Variants in ACTN2 observed in about 807,000 individuals in gnomAD.
The protein encoded by ACTN2 is alpha-actinin-2.
ACTN2 carries 39 observed loss-of-function variants against 113.8 expected under a neutral mutation model. The ratio of observed to expected loss-of-function variants is 0.34; its 90% CI spans 0.27 to 0.45. ACTN2 has a LOEUF of 0.45. ACTN2 is among the 20% of genes least tolerant of loss of function. The pLI is 1.00. For missense variants in ACTN2, 992 were observed against 1,177.9 expected, an observed-to-expected ratio of 0.84 and a Z score of 2.31; for synonymous variants, 429 against 444.1, an observed-to-expected ratio of 0.97 and a Z score of 0.43.
intron 1 of ACTN2, among the ~76,000 whole-genome samples, chr1:236,688,834 C>T (rs142030987): frequency 1.6e-4 from 25 of 152,248 alleles, no homozygotes; most frequent in African/African-American, 3.6e-4. Context: ...CTGCTGGAAC[C>T]GGACAAGGGT....
chr1:236,735,716 A>G lies in ACTN2; in HGVS notation c.779A>G (p.Glu260Gly). Residue 260 changes from glutamate to glycine, a missense_variant, in exon 8 of 21, where the codon GAG becomes GGG. Physicochemically the swap from Glu to Gly is moderately conservative, Grantham distance 98 (BLOSUM62 -2). Transcript: ENST00000366578. The stretch of plus-strand genomic sequence containing the variant: ...TTCTACCACGCTTTTGCGGGCGCGG[A>G]GCAGGTACTCAACACTTGTCCGTCC... The part of the protein sequence containing the change: ...SCFYHAFAGA[E>G]QAETAANRIC... 3 of 1,614,040 alleles carry G rather than the reference A, an allele frequency of 1.9e-6. No individual in the cohort carries two copies. Among genetic ancestry groups the G allele is most frequent in the Non-Finnish European group, 2.5e-6 (3 of 1,179,942 alleles).
At chr1:236,700,320 T>C (rs1224910881) in intron 1 of ACTN2, among the ~76,000 whole-genome samples, 1 of 152,104 alleles carries the variant, frequency 6.6e-6, no homozygotes, top group Non-Finnish European at 1.5e-5. Flanking sequence ...GTAGCTGGGA[T>C]TACAGGCATG....
At chr1:236,710,839 G>A (rs954504977) in intron 1 of ACTN2, among the ~76,000 whole-genome samples, 14 of 152,146 alleles carry the variant, frequency 9.2e-5, no homozygotes, top group Non-Finnish European at 1.5e-4. Context: ...TATGAGAATC[G>A]AATGGCTGAT....
At chr1:236,739,619 T>G in intron 10 of ACTN2, 87 bp downstream of exon 10, 1 of 1,440,402 alleles carries the variant, frequency 6.9e-7, no homozygotes, top group Non-Finnish European at 9.6e-7. Context: ...GGAGGAGGCA[T>G]TGACTTCTTG....
chr1:236,715,943 C>G (rs1252567053), intron 1 of ACTN2, among the ~76,000 whole-genome samples: 1 of 151,958 alleles, frequency 6.6e-6, no homozygotes, highest in Non-Finnish European at 1.5e-5. Flanking sequence ...AAGCAAGACT[C>G]CGTCTCAAAA....
Position 236,744,617 on chromosome 1 carries a change from C to A in ACTN2, c.1256-9C>A. The stretch of plus-strand genomic sequence containing the variant: ...GCATATTCATACTTTCTTGCTACCA[C>A]CTTTGCAGGCAAAGAGCAGATCTTG... On this transcript the variant is annotated splice_polypyrimidine_tract_variant and intron_variant, in intron 11 of 20. Transcript: ENST00000366578. 1.9e-6 allele frequency: 3 copies of A among 1,614,068 alleles called. No individual in the cohort carries two copies. Among genetic ancestry groups the A allele is most frequent in the African/African-American group, 2.7e-5 (2 of 75,068 alleles).
chr1:236,755,025 G>A lies in ACTN2; in HGVS notation c.1981G>A (p.Ala661Thr). The A allele has an allele frequency of 1.2e-6, 2 of 1,614,172 alleles. No individual in the cohort carries two copies. The highest frequency in any genetic ancestry group is 2.2e-5 in the South Asian group (2 of 91,078). ...GCTCACTCGCCCCCCTCAGGAGATT[G>A]CCCGGAGCTCCATCCAGATCACAGG... ...PWIQNKMEEI[A>T]RSSIQITGAL... The change falls in exon 17 of 21, where the codon GCC (alanine) becomes ACC (threonine). Residue 661 changes from alanine (A) to threonine (T), a missense_variant. Physicochemically the swap from Ala to Thr is moderately conservative, Grantham distance 58. This residue lies in a region of ACTN2 where 736 missense variants were observed against 815.4 expected (regional missense o/e 0.90). Coordinates refer to ENST00000366578, the MANE Select transcript of ACTN2 (RefSeq NM_001103.4).
At position 236,708,098 on chromosome 1, in the gene ACTN2, A is replaced by G. The variant is rs541285296; in HGVS notation, c.127-9760A>G. On this transcript the variant is annotated intron_variant, in intron 1 of 20. Transcript: ENST00000366578. ...TAGACACTAAGCAGGTCACGAAGCC[A>G]GGGTTCAGATTTAAGGCCTGTGTTT... Among the ~76,000 whole-genome samples, 7 of 152,164 alleles carry G rather than the reference A, an allele frequency of 4.6e-5. No individual in the cohort carries two copies. In the South Asian group the frequency reaches 1.0e-3, roughly 23 times the overall value.
Position 236,719,033 on chromosome 1 carries a change from G to A in ACTN2, c.361+20G>A, listed in dbSNP as rs1658304620. The A allele has an allele frequency of 6.2e-7, 1 of 1,613,376 alleles. No individual in the cohort carries two copies. Among genetic ancestry groups the A allele is most frequent in the South Asian group, 1.1e-5 (1 of 91,044 alleles). ...CTGAAGGTGAGAGGTGTGGTGGGTG[G>A]TCCTGTCTGCCACACTGACCTAATA... is the stretch of plus-strand genomic sequence containing the variant. On this transcript the variant is annotated intron_variant, in intron 3 of 20. Coordinates refer to ENST00000366578, the MANE Select transcript of ACTN2 (RefSeq NM_001103.4).
At chr1:236,761,383 G>T (rs1659703547) in intron 20 of ACTN2, among the ~76,000 whole-genome samples, 1 of 152,164 alleles carries the variant, frequency 6.6e-6, no homozygotes, top group Middle Eastern at 3.2e-3. Flanking sequence ...ATTCGTGCTT[G>T]GCCTTGCATT....
At chr1:236,720,692 T>C (rs1019673542) in intron 4 of ACTN2, among the ~76,000 whole-genome samples, 5 of 152,292 alleles carry the variant, frequency 3.3e-5, no homozygotes, top group African/African-American at 1.2e-4. Flanking sequence ...TTCATCATTA[T>C]CATAGAATCT....
intron 11 of ACTN2, 151 bp from the exon 12 acceptor site, chr1:236,744,475 A>G: frequency 3.1e-6 from 3 of 957,422 alleles, no homozygotes; most frequent in Non-Finnish European, 4.9e-6. Context: ...CCTGAATTCC[A>G]TCACAACCCT....
At chr1:236,751,906 TG>T (rs1440898173) in intron 15 of ACTN2, among the ~76,000 whole-genome samples, 1 of 152,198 alleles carries the variant, frequency 6.6e-6, no homozygotes, top group Non-Finnish European at 1.5e-5. Flanking sequence ...ACACAACCAC[TG>T]TAGGTTATGA....
chr1:236,706,316 A>C (rs752129126), intron 1 of ACTN2, among the ~76,000 whole-genome samples: 11 of 152,126 alleles, frequency 7.2e-5, no homozygotes, highest in Non-Finnish European at 1.2e-4. Context: ...AATGGATCTT[A>C]TTCAACAAAT....
chr1:236,754,863 C>A lies in ACTN2; in HGVS notation c.1975-156C>A, dbSNP rs925371461. On this transcript the variant is annotated intron_variant, in intron 16 of 20. Transcript: ENST00000366578. This position sits in a 1 kb window ranked among gnomAD's most constrained non-coding sequence, Gnocchi z 4.9. ...TTTGTTCTGCGATGCTACCCAGTCC[C>A]CACTTCCTCTGAGAAAAGTGAACCG... is the stretch of plus-strand genomic sequence containing the variant. Among the ~76,000 whole-genome samples the A allele has an allele frequency of 4.6e-5, 7 of 152,220 alleles. No individual in the cohort carries two copies. Among genetic ancestry groups the A allele is most frequent in the Non-Finnish European group, 8.8e-5 (6 of 68,046 alleles).
At chr1:236,751,790 C>T in intron 15 of ACTN2, 138 bp downstream of exon 15, 9 of 1,045,642 alleles carry the variant, frequency 8.6e-6, no homozygotes, top group Non-Finnish European at 1.3e-5. Context: ...TCCCAAATTT[C>T]ACAGGCAAAA....
chr1:236,721,027 T>TTTTTTTTG (rs1658376226), intron 4 of ACTN2, among the ~76,000 whole-genome samples: 1 of 97,186 alleles, frequency 1.0e-5, no homozygotes, highest in African/African-American at 3.6e-5. Context: ...TTTTTGTTTT[T>TTTTTTTTG]TTTTTTTTTT....
intron 4 of ACTN2, among the ~76,000 whole-genome samples, chr1:236,722,879 C>T (rs1658439133): frequency 1.3e-5 from 2 of 152,232 alleles, no homozygotes; most frequent in African/African-American, 4.8e-5. Flanking sequence ...GTAGGTTTTC[C>T]AGTAATGTAC....
At chr1:236,755,597 G>A (rs3768128) in intron 17 of ACTN2, among the ~76,000 whole-genome samples, 1,789 of 151,484 alleles carry the variant, frequency 0.012, 48 homozygotes, top group East Asian at 0.089. Flanking sequence ...AGTATATACT[G>A]CAGAGTGCCC....
Sources: allele counts gnomAD v4.1 joint callset (sites outside exome capture counted in the v4.1 genomes callset), GRCh38; gene constraint gnomAD v4.1.1; regional missense constraint gnomAD v4.1.1; non-coding constraint Gnocchi (gnomAD v3.1); transcripts MANE v1.5; gene names NCBI Gene and HGNC (gene_info 2026-07-23, HGNC 2026-07-21).